Variants in ZNF18 observed in about 807,000 individuals in gnomAD.
ZNF18 encodes the protein zinc finger protein 18.
Under a neutral mutation model 58.1 loss-of-function variants are expected in ZNF18, and 42 were observed. The observed-to-expected ratio is 0.72, with a 90% confidence interval of 0.56 to 0.93. The LOEUF is 0.93. ZNF18 is among the 40% of genes least tolerant of loss of function. ZNF18 has a pLI of 0.00. For synonymous variants in ZNF18, 231 were observed against 239.8 expected, an observed-to-expected ratio of 0.96 and a Z score of 0.34; for missense variants, 540 against 644.2, an observed-to-expected ratio of 0.84 and a Z score of 1.75.
At chr17:11,994,692 T>A (rs1316283386) in intron 1 of ZNF18, among the ~76,000 whole-genome samples, 1 of 151,786 alleles carries the variant, frequency 6.6e-6, no homozygotes, top group Non-Finnish European at 1.5e-5. Context: ...ATACAAAAAA[T>A]TAGCCAGGCG....
At chr17:11,990,867 TCTCAGGGATACG>T (rs1330250876) in intron 3 of ZNF18, 95 bp downstream of exon 3, 26 of 1,284,796 alleles carry the variant, frequency 2.0e-5, no homozygotes, top group African/African-American at 3.0e-5. Context: ...TTTGCAAACC[TCTCAGGGATACG>T]CCAATCTGAG....
the ZNF18 span, among the ~76,000 whole-genome samples, chr17:12,015,805 TTGAGACAGAGTCTTTCTC>T: frequency 1.3e-5 from 2 of 152,202 alleles, no homozygotes; most frequent in African/African-American, 4.8e-5. Context: ...CTTTTTTTTT[TTGAGACAGAGTCTTTCTC>T]TGTCACTCAG....
At chr17:12,004,654 G>A in the ZNF18 span, among the ~76,000 whole-genome samples, 103 of 152,250 alleles carry the variant, frequency 6.8e-4, 1 homozygote, top group African/African-American at 1.6e-3. Flanking sequence ...TTGGGAGGCC[G>A]AGGCAGCAGA....
the ZNF18 span, among the ~76,000 whole-genome samples, chr17:12,002,619 C>G: frequency 6.6e-6 from 1 of 152,158 alleles, no homozygotes; most frequent in Non-Finnish European, 1.5e-5. Flanking sequence ...AGATCCCATA[C>G]TCTGCCCTCT....
intron 4 of ZNF18, among the ~76,000 whole-genome samples, chr17:11,984,517 G>GTT (rs36063923): frequency 2.1e-5 from 3 of 143,856 alleles, no homozygotes; most frequent in Admixed American, 1.4e-4. Flanking sequence ...TTTTATTTGG[G>GTT]TTTTTTTTTT....
the ZNF18 span, among the ~76,000 whole-genome samples, chr17:12,004,368 T>C: frequency 1.4e-4 from 21 of 152,154 alleles, no homozygotes; most frequent in Admixed American, 8.5e-4. Flanking sequence ...TAGCAAAATG[T>C]TTCTTAACAT....
chr17:11,997,784 C>G (rs561758593), upstream of ZNF18, among the ~76,000 whole-genome samples: 1 of 152,230 alleles, frequency 6.6e-6, no homozygotes, highest in East Asian at 1.9e-4. Context: ...AAGATCATTT[C>G]TTTGTCTCTC....
intron 4 of ZNF18, among the ~76,000 whole-genome samples, chr17:11,986,943 T>G (rs1967786638): frequency 6.6e-6 from 1 of 152,156 alleles, no homozygotes; most frequent in Non-Finnish European, 1.5e-5. Flanking sequence ...ACTAACAGGG[T>G]ACCTCCAGCT....
chr17:11,985,184 T>G (rs1967656597), intron 4 of ZNF18, among the ~76,000 whole-genome samples: 1 of 152,334 alleles, frequency 6.6e-6, no homozygotes, highest in African/African-American at 2.4e-5. Context: ...AAAGAAGCCC[T>G]GCTTTTCCTA....
chr17:12,006,145 C>A, the ZNF18 span, among the ~76,000 whole-genome samples: 1 of 152,102 alleles, frequency 6.6e-6, no homozygotes, highest in Non-Finnish European at 1.5e-5. Context: ...AATCCATGTT[C>A]ATAAATAATT....
At chr17:12,007,671 C>T in the ZNF18 span, among the ~76,000 whole-genome samples, 3 of 152,182 alleles carry the variant, frequency 2.0e-5, no homozygotes, top group African/African-American at 7.2e-5. Context: ...TCTGTCCCTG[C>T]TACCTGCTGC....
intron 1 of ZNF18, among the ~76,000 whole-genome samples, chr17:11,994,792 G>A (rs1252223956): frequency 6.6e-6 from 1 of 152,106 alleles, no homozygotes; most frequent in Non-Finnish European, 1.5e-5. Flanking sequence ...AGTGAGCTGA[G>A]ATCGTGCCAC....
chr17:11,992,329 G>C lies in ZNF18; in HGVS notation c.387+114C>G, dbSNP rs1968177698. 5.7e-6 allele frequency: 8 copies of C among 1,399,132 alleles called. No individual in the cohort carries two copies. The Admixed American group carries it at 2.0e-4, about 34-fold the overall frequency. 86.7% of individuals were successfully genotyped at this position (1,399,132 alleles called of 1,614,324 possible). Reference sequence around the variant, plus strand: ...GAATCACAGAATTGGCCATTGGTGTGAAAAGCCCCACCCATTTTGTGTCAT... The same window carrying C: ...GAATCACAGAATTGGCCATTGGTGTCAAAAGCCCCACCCATTTTGTGTCAT... On this transcript the variant is annotated intron_variant, in intron 2 of 6. Coordinates refer to ENST00000580306, the MANE Select transcript of ZNF18 (RefSeq NM_001303281.2).
intron 6 of ZNF18, among the ~76,000 whole-genome samples, chr17:11,979,503 C>T (rs1967204158): frequency 6.6e-6 from 1 of 152,140 alleles, no homozygotes; most frequent in African/African-American, 2.4e-5. Flanking sequence ...TTTACATGCC[C>T]TTTATTAAAT....
the ZNF18 span, among the ~76,000 whole-genome samples, chr17:12,013,807 AT>A: frequency 6.6e-6 from 1 of 152,184 alleles, no homozygotes; most frequent in African/African-American, 2.4e-5. Context: ...TATATTGCTG[AT>A]AAAGTGCTTC....
chr17:11,978,692 G>A lies in ZNF18; in HGVS notation c.915C>T (p.Asp305=). 1 of 1,608,748 alleles carries A rather than the reference G, an allele frequency of 6.2e-7. No homozygotes were observed. The highest frequency in any genetic ancestry group is 1.1e-5 in the South Asian group (1 of 90,784). Reference sequence around the variant, plus strand: ...GACAGGAAGCATGCAGGAGCTCCTGGTCCCTGTGATTCTCCAAATTTAGGT... The same window carrying A: ...GACAGGAAGCATGCAGGAGCTCCTGATCCCTGTGATTCTCCAAATTTAGGT... ...KENLNLENHR[D]QELLHASCQA... Residue 305 remains aspartate (D), a synonymous_variant, in exon 7 of 7, where the codon GAC becomes GAT. Transcript: ENST00000580306.
chr17:11,978,874 TAGTA>T (rs1967166128), intron 6 of ZNF18, 130 bp from the exon 7 acceptor site: 3 of 583,162 alleles, frequency 5.1e-6, no homozygotes, highest in Non-Finnish European at 8.1e-6. Context: ...TTTAGGGCAT[TAGTA>T]AGTGAGAAAG....
At chr17:11,983,571 T>G (rs976131651) in intron 5 of ZNF18, among the ~76,000 whole-genome samples, 164 bp from the exon 6 acceptor site, 7 of 152,184 alleles carry the variant, frequency 4.6e-5, no homozygotes, top group African/African-American at 1.4e-4. Context: ...AAGACACCAG[T>G]ACTCACAGGA....
At chr17:12,015,005 G>A in the ZNF18 span, among the ~76,000 whole-genome samples, 1 of 152,034 alleles carries the variant, frequency 6.6e-6, no homozygotes, top group East Asian at 1.9e-4. Flanking sequence ...CCGAGATCAA[G>A]CCGCTGCACT....
Sources: gnomAD v4.1 joint callset for allele counts (sites outside exome capture counted in the v4.1 genomes callset) on GRCh38, gnomAD v4.1.1 for gene constraint, MANE v1.5 for transcripts, NCBI Gene and HGNC (gene_info 2026-07-23, HGNC 2026-07-21) for gene names.